Variants in RP1 observed in about 807,000 individuals in gnomAD.
The protein encoded by RP1 is oxygen-regulated protein 1.
A neutral mutation model predicts 14.8 loss-of-function variants in RP1; 16 were observed. The ratio of observed to expected loss-of-function variants is 1.08; its 90% CI spans 0.73 to 1.65. The LOEUF (loss-of-function observed/expected upper bound fraction) is 1.65, where lower values mean the gene tolerates loss of function less well. Ranked by LOEUF, RP1 falls within the 40% of genes most tolerant of loss-of-function variation. The pLI, the probability that RP1 is intolerant of heterozygous loss-of-function variation, is 0.00. For missense variants in RP1, 2,631 were observed against 2,535.0 expected (o/e 1.04, Z -0.81); for synonymous variants, 876 against 883.6 (o/e 0.99, Z 0.15).
chr8:54,611,413 C>T (rs1805588637), upstream of RP1, among the ~76,000 whole-genome samples: 1 of 152,166 alleles, frequency 6.6e-6, no homozygotes, highest in Non-Finnish European at 1.5e-5. Context: ...TCATCAAACT[C>T]AAAACTTTCA....
chr8:54,708,131 G>A (rs1217842308), intron 15 of RP1, among the ~76,000 whole-genome samples: 1 of 152,144 alleles, frequency 6.6e-6, no homozygotes, highest in African/African-American at 2.4e-5. Context: ...GGAGTGTTCA[G>A]AACCATGAGA....
intron 24 of RP1, among the ~76,000 whole-genome samples, chr8:54,832,756 T>C (rs574903580): frequency 3.9e-5 from 6 of 152,050 alleles, no homozygotes; most frequent in Admixed American, 3.9e-4. Context: ...GCTGTTAATT[T>C]GTGGATCACC....
At chr8:54,598,750 A>G (rs1182203984) in intron 1 of RP1, among the ~76,000 whole-genome samples, 1 of 152,196 alleles carries the variant, frequency 6.6e-6, no homozygotes, top group Non-Finnish European at 1.5e-5. Context: ...ACTGTGGTTG[A>G]CAGCTCTTTT....
chr8:54,779,985 G>C (rs1329488817), intron 23 of RP1, among the ~76,000 whole-genome samples: 12 of 145,228 alleles, frequency 8.3e-5, no homozygotes, highest in Non-Finnish European at 1.6e-4. Flanking sequence ...CTTTCAGTGG[G>C]TTAACATGGC....
At chr8:54,608,182 C>A (rs1208495858) in intron 1 of RP1, among the ~76,000 whole-genome samples, 1 of 146,738 alleles carries the variant, frequency 6.8e-6, no homozygotes, top group Non-Finnish European at 1.5e-5. Flanking sequence ...TGGCCATCTG[C>A]CTTTTTTTTT....
chr8:54,728,683 T>C (rs1808719003), intron 17 of RP1, among the ~76,000 whole-genome samples: 1 of 152,152 alleles, frequency 6.6e-6, no homozygotes, highest in Non-Finnish European at 1.5e-5. Context: ...TTTGTAGTAG[T>C]TAAGTAGAGA....
chr8:54,840,399 T>C (rs1222731256), intron 25 of RP1, among the ~76,000 whole-genome samples: 2 of 151,930 alleles, frequency 1.3e-5, no homozygotes, highest in Non-Finnish European at 2.9e-5. Flanking sequence ...ATTACAGGTG[T>C]GAGCCACCTC....
At chr8:54,784,808 A>G (rs928855232) in intron 24 of RP1, among the ~76,000 whole-genome samples, 1 of 152,140 alleles carries the variant, frequency 6.6e-6, no homozygotes, top group African/African-American at 2.4e-5. Flanking sequence ...GTGAGAGTAT[A>G]TAACTGTGGA....
rs544588541 is a variant in RP1 at position 54,857,527 on chromosome 8, T to C, written c.4069+421T>C. On this transcript the variant is annotated intron_variant, in intron 27 of 28. Transcript: ENST00000637698. ...AAATTATATACATTTACATTAAATA[T>C]ATTTAATGTAAATTTATGAAGTTTT... Among the ~76,000 whole-genome samples, 113 of 151,892 alleles carry C rather than the reference T, an allele frequency of 7.4e-4. 1 individual carries two copies. Among genetic ancestry groups the C allele is most frequent in the African/African-American group, 2.7e-3 (113 of 41,494 alleles).
At chr8:54,718,251 G>C (rs1808450473) in intron 15 of RP1, among the ~76,000 whole-genome samples, 1 of 152,080 alleles carries the variant, frequency 6.6e-6, no homozygotes, top group Non-Finnish European at 1.5e-5. Flanking sequence ...AACAGACCCA[G>C]AATAGCCAAC....
intron 1 of RP1, among the ~76,000 whole-genome samples, chr8:54,602,685 C>G (rs1805320894): frequency 6.6e-6 from 1 of 152,196 alleles, no homozygotes; most frequent in East Asian, 1.9e-4. Context: ...TCTCCACATC[C>G]TCTCCAGCAC....
intron 12 of RP1, among the ~76,000 whole-genome samples, chr8:54,688,858 G>A (rs1011994968): frequency 1.2e-4 from 19 of 152,126 alleles, no homozygotes; most frequent in Non-Finnish European, 1.8e-4. Context: ...GAAAGACATC[G>A]GTAACTTGAT....
chr8:54,633,747 A>C (rs1372722604), downstream of RP1, among the ~76,000 whole-genome samples: 12 of 142,314 alleles, frequency 8.4e-5, no homozygotes, highest in South Asian at 2.2e-4. Flanking sequence ...CTATATATAT[A>C]TATATATATA....
At chr8:54,789,502 G>C (rs971182096) in intron 24 of RP1, among the ~76,000 whole-genome samples, 2 of 152,130 alleles carry the variant, frequency 1.3e-5, no homozygotes, top group Non-Finnish European at 2.9e-5. Context: ...CCCAGCCAGT[G>C]ACCTTGACCA....
chr8:54,677,204 C>A (rs556856948), intron 8 of RP1, among the ~76,000 whole-genome samples: 83 of 151,920 alleles, frequency 5.5e-4, no homozygotes, highest in African/African-American at 2.0e-3. Context: ...CCTGGGCAAA[C>A]TGGGGCATTT....
In RP1 at chr8:54,629,990, C is replaced by T. The variant is rs377546732; in HGVS notation, c.6108C>T (p.Phe2036=). Residue 2036 remains phenylalanine, a synonymous_variant, in exon 4 of 4, where the codon TTC becomes TTT. Transcript: ENST00000220676. ...PDLKERFCMN[F]LHTSLLVVGN... ...TGAAGGAAAGGTTTTGTATGAATTT[C>T]TTGCACACATCATTGTTAGTTGTGG... The T allele has an allele frequency of 9.9e-6, 16 of 1,613,902 alleles. No homozygotes were observed. Among genetic ancestry groups the T allele is most frequent in the Middle Eastern group, 3.3e-4 (2 of 6,080 alleles).
chr8:54,786,504 A>G (rs1486936856), intron 24 of RP1, among the ~76,000 whole-genome samples: 11 of 151,942 alleles, frequency 7.2e-5, no homozygotes, highest in Admixed American at 5.9e-4. Context: ...AGTTTTCAAG[A>G]CTATTGTGGA....
In RP1 at chr8:54,629,649, G is replaced by A. The variant is rs1356685418; in HGVS notation, c.5767G>A (p.Val1923Ile). ...TGGTCAACATTGCCCAATACTAACT[G>A]TTATTATCCAACCCATGAATGAGGA... ...LCGQHCPILT[V>I]IIQPMNEEDR... Residue 1923 changes from valine to isoleucine, a missense_variant, in exon 4 of 4, where the codon GTT (valine) becomes ATT (isoleucine). By Grantham distance (29) the Val-to-Ile change is conservative (BLOSUM62 3). Transcript: ENST00000220676. The A allele has an allele frequency of 3.1e-6, 5 of 1,613,848 alleles. No individual in the cohort carries two copies. The highest frequency in any genetic ancestry group is 3.4e-6 in the Non-Finnish European group (4 of 1,179,972).
chr8:54,818,735 T>C (rs918896761), intron 24 of RP1, among the ~76,000 whole-genome samples: 2 of 152,146 alleles, frequency 1.3e-5, no homozygotes, highest in African/African-American at 4.8e-5. Flanking sequence ...TGGATCTACT[T>C]TGAGAGGTGA....
Sources: gnomAD v4.1 joint callset for allele counts (sites outside exome capture counted in the v4.1 genomes callset) on GRCh38, gnomAD v4.1.1 for gene constraint, MANE v1.5 for transcripts, NCBI Gene and HGNC (gene_info 2026-07-23, HGNC 2026-07-21) for gene names.